Variants in ZNF425 observed in about 807,000 individuals in gnomAD.
ZNF425 encodes zinc finger protein 425.
A neutral mutation model predicts 17.0 loss-of-function variants in ZNF425; 21 were observed. The observed-to-expected ratio is 1.23, with a 90% CI of 0.88 to 1.78. ZNF425 has a LOEUF of 1.78. Ranked by LOEUF, ZNF425 falls within the 40% of genes most tolerant of loss-of-function variation. The probability of loss-of-function intolerance (pLI) is 0.00; values close to 1 mark genes in which losing one functional copy is unlikely to be tolerated. For synonymous variants in ZNF425, 433 were observed against 384.1 expected (o/e 1.13, Z -1.49); for missense variants, 868 against 967.3 (o/e 0.90, Z 1.36).
In ZNF425 at chr7:149,114,007, CTG is replaced by C. The variant is rs1259294032; in HGVS notation, c.146-1714_146-1713del. On this transcript the variant is annotated intron_variant, in intron 2 of 3. Coordinates refer to ENST00000378061, the MANE Select transcript of ZNF425 (RefSeq NM_001001661.3). Reference sequence around the variant, plus strand: ...CCAGCCTAGGTGATAGAGAGAGACTCTGTCTAAAAAAAAAAAAAAAAAAAAGA... The same window carrying C: ...CCAGCCTAGGTGATAGAGAGAGACTCTCTAAAAAAAAAAAAAAAAAAAAGA... Among the ~76,000 whole-genome samples the C allele has an allele frequency of 5.7e-4, 59 of 104,104 alleles. No homozygotes were observed. The Admixed American group carries it at 6.6e-3, about 12-fold the overall frequency. The allele number at this position is 104,104 out of a possible 152,430, so 68.3% of individuals were successfully genotyped here.
intron 1 of ZNF425, among the ~76,000 whole-genome samples, chr7:149,120,752 A>G (rs2129518551): frequency 6.6e-6 from 1 of 152,316 alleles, no homozygotes; most frequent in East Asian, 1.9e-4. Flanking sequence ...ATTGCCTAAC[A>G]ATGTGTTTCT....
intron 1 of ZNF425, chr7:149,125,967 C>G: frequency 1.2e-6 from 1 of 858,296 alleles, no homozygotes; most frequent in Admixed American, 2.5e-5. Flanking sequence ...GGGCCACAGA[C>G]GCGCGCGGCC....
rs1826011740 is a variant in ZNF425, at chr7:149,103,543, C to G, written c.*69G>C. 6.6e-7 allele frequency: 1 copy of G among 1,514,276 alleles called. No homozygotes were observed. The highest frequency in any genetic ancestry group is 8.8e-7 in the Non-Finnish European group (1 of 1,137,282). The allele number at this position is 1,514,276 out of a possible 1,614,324, so 93.8% of individuals were successfully genotyped here. A position where few individuals can be genotyped will look rare whatever the true frequency, so the allele number is the denominator to read the frequency against. On this transcript the variant is annotated 3_prime_UTR_variant, in exon 4 of 4. Transcript: ENST00000378061. ...TTACCCTGTGAATCCTTCAACCTGC[C>G]TCAACTTGAGCCAACAGAGCTGCTG...
chr7:149,116,695 C>T (rs1381230449), intron 2 of ZNF425, among the ~76,000 whole-genome samples: 1 of 152,062 alleles, frequency 6.6e-6, no homozygotes, highest in Non-Finnish European at 1.5e-5. Context: ...GAATAAAATC[C>T]AACTCCTTAT....
chr7:149,124,932 C>T (rs1563149983), intron 1 of ZNF425, among the ~76,000 whole-genome samples: 1 of 152,190 alleles, frequency 6.6e-6, no homozygotes, highest in South Asian at 2.1e-4. Context: ...ATCAAGAAAA[C>T]GATTTTTCCT....
In ZNF425 at chr7:149,112,254, G is replaced by A. The variant is rs374226443; in HGVS notation, c.187C>T (p.Gln63Ter). Residue 63 changes from glutamine to a stop codon, truncating the protein, a stop_gained, in exon 3 of 4, where the codon CAA (glutamine) becomes TAA (stop). Transcript: ENST00000378061. LOFTEE classifies it high-confidence loss of function. ...TCGCTGATTAATAGCATTCTCCCTT[G>A]TTCCATCCATGTGATCAAATCTGGC... is the stretch of plus-strand genomic sequence containing the variant. Reference protein sequence around the residue: ...SKPDLITWMEQGRMLLISEQG... With the variant: ...SKPDLITWME 6 of 1,613,920 alleles carry A rather than the reference G, an allele frequency of 3.7e-6. No individual in the cohort carries two copies. The highest frequency in any genetic ancestry group is 2.2e-5 in the East Asian group (1 of 44,894).
At chr7:149,114,078 T>G (rs999868853) in intron 2 of ZNF425, among the ~76,000 whole-genome samples, 11 of 151,820 alleles carry the variant, frequency 7.2e-5, no homozygotes, top group African/African-American at 2.2e-4. Flanking sequence ...CAAAATTTTT[T>G]GAGACAGTCT....
chr7:149,104,735 G>A lies in ZNF425; in HGVS notation c.1136C>T (p.Thr379Met), dbSNP rs1490375199. The A allele has an allele frequency of 2.5e-6, 4 of 1,612,930 alleles. No individual in the cohort carries two copies. The highest frequency in any genetic ancestry group is 4.5e-5 in the East Asian group (2 of 44,872). ...AGAAAACGGCTTTTCCTCGCTGTGC[G>A]TCCTCTGGTGGGTCTTCAGGGCAGC... ...RKAALKTHQR[T>M]HSEEKPFSCG... Residue 379 changes from threonine to methionine, a missense_variant, in exon 4 of 4, where the codon ACG (threonine) becomes ATG (methionine). Thr to Met is a moderately conservative substitution (Grantham distance 81). Coordinates refer to ENST00000378061, the MANE Select transcript of ZNF425 (RefSeq NM_001001661.3). This position sits in a 1 kb window ranked among gnomAD's most constrained non-coding sequence, Gnocchi z 4.3.
Position 149,126,244 on chromosome 7 carries a change from C to T in ZNF425, c.-31G>A. 6.2e-7 allele frequency: 1 copy of T among 1,607,874 alleles called. No homozygotes were observed. Among genetic ancestry groups the T allele is most frequent in the Non-Finnish European group, 8.5e-7 (1 of 1,177,656 alleles). On this transcript the variant is annotated 5_prime_UTR_variant, in exon 1 of 4. Transcript: ENST00000378061. ...TTCCGCACGAACCGGCCCTGCCTGGCACGGCCTCCCCTCCGCTCCGCCCCA... is the reference window on the plus strand; with the variant it reads ...TTCCGCACGAACCGGCCCTGCCTGGTACGGCCTCCCCTCCGCTCCGCCCCA...
intron 2 of ZNF425, among the ~76,000 whole-genome samples, chr7:149,114,826 G>A (rs1045058506): frequency 2.0e-5 from 3 of 150,332 alleles, no homozygotes; most frequent in Non-Finnish European, 4.4e-5. Context: ...AAACTTACAG[G>A]GAGTTAAGGA....
Position 149,105,093 on chromosome 7 carries a change from T to C in ZNF425, c.778A>G (p.Ser260Gly), listed in dbSNP as rs753720378. The part of the protein sequence containing the change: ...ECEKSYFLKG[S>G]LVTHQVVHTG... The stretch of plus-strand genomic sequence containing the variant: ...TGGACAACCTGATGAGTGACGAGGC[T>C]GCCCTTCAGGAAGTAGCTCTTCTCA... Residue 260 changes from serine (S) to glycine (G), a missense_variant, in exon 4 of 4, where the codon AGC becomes GGC. This residue lies in a region of ZNF425 where 243 missense variants were observed against 265.2 expected (regional missense o/e 0.92). Transcript: ENST00000378061. 1.2e-6 allele frequency: 2 copies of C among 1,614,234 alleles called. No individual in the cohort carries two copies. Among genetic ancestry groups the C allele is most frequent in the Non-Finnish European group, 1.7e-6 (2 of 1,180,040 alleles).
At chr7:149,105,914 C>T (rs190658111) in intron 3 of ZNF425, among the ~76,000 whole-genome samples, 6 of 150,002 alleles carry the variant, frequency 4.0e-5, no homozygotes, top group African/African-American at 9.8e-5. Context: ...GGATTACAGG[C>T]GTGAGCCACC....
At chr7:149,123,693 G>A (rs533592042) in intron 1 of ZNF425, among the ~76,000 whole-genome samples, 7 of 152,024 alleles carry the variant, frequency 4.6e-5, no homozygotes, top group Admixed American at 2.6e-4. Flanking sequence ...CACCACACCC[G>A]GCTAATTTTT....
rs139941317 is a variant in ZNF425 at position 149,107,350 on chromosome 7, TTTTC to T, written c.305-1788_305-1785del. The stretch of plus-strand genomic sequence containing the variant: ...ATTTATTTATTTATTTATTTATTTT[TTTTC>T]TGAGACAGAGTCTAGCTCTGTCGCC... On this transcript the variant is annotated intron_variant, in intron 3 of 3. Transcript: ENST00000378061. Among the ~76,000 whole-genome samples the T allele has an allele frequency of 2.6e-3, 356 of 136,722 alleles. 1 individual carries two copies. The highest frequency in any genetic ancestry group is 4.7e-3 in the East Asian group (23 of 4,908). The allele number at this position is 136,722 out of a possible 152,430, so 89.7% of individuals were successfully genotyped here. A position where few individuals can be genotyped will look rare whatever the true frequency, so the allele number is the denominator to read the frequency against.
chr7:149,119,803 T>A (rs1276084090), intron 1 of ZNF425, among the ~76,000 whole-genome samples: 1 of 152,156 alleles, frequency 6.6e-6, no homozygotes, highest in African/African-American at 2.4e-5. Context: ...AATGCAAGAA[T>A]ATACTACAAA....
rs1826045239 is a variant in ZNF425 at position 149,104,667 on chromosome 7, C to T, written c.1204G>A (p.Asp402Asn). The T allele has an allele frequency of 6.2e-7, 1 of 1,613,986 alleles. No individual in the cohort carries two copies. Among genetic ancestry groups the T allele is most frequent in the South Asian group, 1.1e-5 (1 of 91,090 alleles). The change falls in exon 4 of 4, where the codon GAC becomes AAC. Residue 402 changes from aspartate to asparagine, a missense_variant. Physicochemically the swap from Asp to Asn is conservative, Grantham distance 23 (BLOSUM62 1). Transcript: ENST00000378061. This position sits in a 1 kb window ranked among gnomAD's most constrained non-coding sequence, Gnocchi z 4.3. ...CCCGTGTGAACTCTGATGTGCTCGT[C>T]CAGCTTAATCTTGTAGATGAATTTC... ...GRKFIYKIKLDEHIRVHTGEK... is the reference protein window; with the variant it reads ...GRKFIYKIKLNEHIRVHTGEK...
At position 149,104,200 on chromosome 7, in the gene ZNF425, G is replaced by A. The variant is rs138211765; in HGVS notation, c.1671C>T (p.Pro557=). Residue 557 remains proline (P), a synonymous_variant, in exon 4 of 4, where the codon CCC becomes CCT. Coordinates refer to ENST00000378061, the MANE Select transcript of ZNF425 (RefSeq NM_001001661.3). This position sits in a 1 kb window ranked among gnomAD's most constrained non-coding sequence, Gnocchi z 4.3. ...TCCAGGAGAAGCTCTTGTCGCACTCGGGACACTGGAAGGGCTCCTCGCCAC... is the reference window on the plus strand; with the variant it reads ...TCCAGGAGAAGCTCTTGTCGCACTCAGGACACTGGAAGGGCTCCTCGCCAC... ...LHSGEEPFQC[P]ECDKSFSWKA... The A allele has an allele frequency of 6.9e-4, 1,106 of 1,612,384 alleles. 6 individuals are homozygous for A. In the African/African-American group the frequency reaches 0.012, roughly 18 times the overall value.
intron 2 of ZNF425, among the ~76,000 whole-genome samples, chr7:149,112,550 T>C (rs775410114): frequency 9.2e-5 from 14 of 152,154 alleles, no homozygotes; most frequent in Non-Finnish European, 1.0e-4. Context: ...CGAGAATCAC[T>C]TGAACCTGGG....
Position 149,124,473 on chromosome 7 carries a change from A to G in ZNF425, c.18+1723T>C, listed in dbSNP as rs566187322. On this transcript the variant is annotated intron_variant, in intron 1 of 3. Transcript: ENST00000378061. The stretch of plus-strand genomic sequence containing the variant: ...TCCGGATGGCCTTGTTATTTTTACA[A>G]TGTGATTTCAACCAAATTCCTCTAC... Among the ~76,000 whole-genome samples the G allele has an allele frequency of 5.3e-5, 8 of 151,080 alleles. No individual in the cohort carries two copies. The East Asian group carries it at 1.2e-3, about 23-fold the overall frequency.
Sources: allele counts gnomAD v4.1 joint callset (sites outside exome capture counted in the v4.1 genomes callset), GRCh38; gene constraint gnomAD v4.1.1; regional missense constraint gnomAD v4.1.1; non-coding constraint Gnocchi (gnomAD v3.1); transcripts MANE v1.5; gene names NCBI Gene and HGNC (gene_info 2026-07-23, HGNC 2026-07-21).